Variants in KCMF1 observed in about 807,000 individuals in gnomAD.
The protein encoded by KCMF1 is potassium channel modulatory factor 1, also known as E3 ubiquitin-protein ligase KCMF1.
A neutral mutation model predicts 41.1 loss-of-function variants in KCMF1; 3 were observed. The ratio of observed to expected loss-of-function variants is 0.07; its 90% CI spans 0.03 to 0.19. The LOEUF is 0.19. Ranked by LOEUF, KCMF1 falls within the 10% of genes least tolerant of loss-of-function variation. The pLI is 1.00. For missense variants in KCMF1, 286 were observed against 488.9 expected, an observed-to-expected ratio of 0.58 and a Z score of 3.91; for synonymous variants, 142 against 164.5, an observed-to-expected ratio of 0.86 and a Z score of 1.04.
At chr2:84,972,854 A>G (rs1313277685) in intron 1 of KCMF1, among the ~76,000 whole-genome samples, 1 of 152,222 alleles carries the variant, frequency 6.6e-6, no homozygotes, top group African/African-American at 2.4e-5. Context: ...TTCTTCGCAA[A>G]GCATTTGTTG....
chr2:85,026,706 TTGAACTCCTGGCCTCAAGCCATCCC>T (rs1675116915), intron 1 of KCMF1, among the ~76,000 whole-genome samples: 1 of 152,082 alleles, frequency 6.6e-6, no homozygotes, highest in Admixed American at 6.6e-5. Context: ...CAGGCTGGTC[TTGAACTCCTGGCCTCAAGCCATCCC>T]CCTGCCTCGC....
chr2:85,003,653 G>T (rs572756451), intron 1 of KCMF1, among the ~76,000 whole-genome samples: 2 of 151,884 alleles, frequency 1.3e-5, no homozygotes, highest in Admixed American at 1.3e-4. Flanking sequence ...CGGGTCTCCC[G>T]ATGTTACCCA....
intron 1 of KCMF1, among the ~76,000 whole-genome samples, chr2:84,986,655 A>T (rs186941220): frequency 6.6e-6 from 1 of 151,714 alleles, no homozygotes; most frequent in East Asian, 1.9e-4. Flanking sequence ...AGGTGGGTGG[A>T]TCACGAGGTC....
At chr2:84,990,638 ATC>A (rs1674019798) in intron 1 of KCMF1, among the ~76,000 whole-genome samples, 1 of 150,260 alleles carries the variant, frequency 6.7e-6, no homozygotes, top group African/African-American at 2.5e-5. Context: ...GGGAGACCCT[ATC>A]TCTGTTTTAA....
intron 2 of KCMF1, among the ~76,000 whole-genome samples, chr2:85,029,677 ATTTTTTTTTTTT>A (rs1178504248): frequency 7.7e-6 from 1 of 130,664 alleles, no homozygotes; most frequent in Non-Finnish European, 1.6e-5. Context: ...TCATGCTATA[ATTTTTTTTTTTT>A]TTTTTTTTGA....
intron 3 of KCMF1, among the ~76,000 whole-genome samples, chr2:85,036,932 C>T (rs1467604187): frequency 6.6e-6 from 1 of 151,346 alleles, no homozygotes; most frequent in Non-Finnish European, 1.5e-5. Context: ...TTCATCACCC[C>T]TCAGGGGCAA....
intron 3 of KCMF1, among the ~76,000 whole-genome samples, 182 bp downstream of exon 3, chr2:85,035,337 A>G (rs190823759): frequency 3.3e-4 from 50 of 152,298 alleles, no homozygotes; most frequent in Non-Finnish European, 6.0e-4. Flanking sequence ...TTTTTGCAAA[A>G]TAATACCTCT....
chr2:85,044,334 G>A (rs1675612429), intron 4 of KCMF1, among the ~76,000 whole-genome samples: 1 of 151,822 alleles, frequency 6.6e-6, no homozygotes, highest in Non-Finnish European at 1.5e-5. Flanking sequence ...GATAGCATAA[G>A]GTCAGCTCTA....
intron 1 of KCMF1, among the ~76,000 whole-genome samples, chr2:85,004,080 C>G (rs1674404587): frequency 6.6e-6 from 1 of 152,140 alleles, no homozygotes; most frequent in Admixed American, 6.6e-5. Context: ...TGATTCACCT[C>G]CGAGTGGGAC....
At chr2:85,036,166 T>C in intron 3 of KCMF1, among the ~76,000 whole-genome samples, 1 of 152,222 alleles carries the variant, frequency 6.6e-6, no homozygotes, top group East Asian at 1.9e-4. Context: ...ATAACATGTA[T>C]AGTTCAAACA....
rs535285734 is a variant in KCMF1 at position 84,996,916 on chromosome 2, C to T, written c.16+25449C>T. ...ACTTACAGAAACCTAGACGGTATAG[C>T]CTACTACACATCTGGGCTATGTATG... On this transcript the variant is annotated intron_variant, in intron 1 of 6. Coordinates refer to ENST00000409785, the MANE Select transcript of KCMF1 (RefSeq NM_020122.5). Among the ~76,000 whole-genome samples the T allele has an allele frequency of 1.6e-4, 25 of 152,220 alleles. No individual in the cohort carries two copies. In the South Asian group the frequency reaches 2.9e-3, roughly 18 times the overall value.
At position 85,008,295 on chromosome 2, in the gene KCMF1, T is replaced by TA. The variant is rs1333221934; in HGVS notation, c.17-19593dup. ...AATATATAATATGATATATAATATA[T>TA]ATAATATATAATATGATATATATAT... On this transcript the variant is annotated intron_variant, in intron 1 of 6. Transcript: ENST00000409785. Among the ~76,000 whole-genome samples the TA allele has an allele frequency of 1.3e-3, 121 of 90,764 alleles. 2 individuals are homozygous for TA. The highest frequency in any genetic ancestry group is 2.0e-3 in the Non-Finnish European group (99 of 48,658). The allele number at this position is 90,764 out of a possible 152,430, so 59.5% of individuals were successfully genotyped here.
chr2:85,045,713 T>G (rs139041923), intron 4 of KCMF1, among the ~76,000 whole-genome samples: 139 of 152,356 alleles, frequency 9.1e-4, no homozygotes, highest in African/African-American at 3.1e-3. Flanking sequence ...AATGCAAATC[T>G]GTTTTCTGCT....
intron 1 of KCMF1, among the ~76,000 whole-genome samples, chr2:85,008,603 C>T (rs577475539): frequency 1.3e-5 from 2 of 151,374 alleles, no homozygotes; most frequent in Admixed American, 1.3e-4. Flanking sequence ...GAAAACGACA[C>T]TTGTTTACAA....
At chr2:85,049,763 T>C (rs1367890792) in intron 6 of KCMF1, 115 bp downstream of exon 6, 13 of 817,410 alleles carry the variant, frequency 1.6e-5, no homozygotes, top group Non-Finnish European at 2.3e-5. Flanking sequence ...TGTGTTTGAT[T>C]AAAACTCACA....
In KCMF1 at chr2:85,058,457, AATG is replaced by A. The variant is rs1301662560; in HGVS notation, c.*5052_*5054del. On this transcript the variant is annotated 3_prime_UTR_variant, in exon 7 of 7. Transcript: ENST00000409785. ...GGGGCTGCTTTCCACAGGCCTGGAT[AATG>A]ATGTTTCTCTTCAAGGAGGCCTTTA... 1 of 152,170 alleles carries A rather than the reference AATG, an allele frequency of 6.6e-6. No homozygotes were observed. The highest frequency in any genetic ancestry group is 2.4e-5 in the African/African-American group (1 of 41,426). 9.4% of individuals were successfully genotyped at this position (152,170 alleles called of 1,614,324 possible).
intron 1 of KCMF1, chr2:84,971,874 G>C (rs932154565): frequency 6.6e-6 from 1 of 151,944 alleles, no homozygotes; most frequent in Non-Finnish European, 1.5e-5. Context: ...AGCCCGGTGT[G>C]GTCGCAGAGC....
At chr2:84,981,035 C>T (rs1257576425) in intron 1 of KCMF1, among the ~76,000 whole-genome samples, 3 of 150,812 alleles carry the variant, frequency 2.0e-5, no homozygotes, top group Non-Finnish European at 2.9e-5. Context: ...ATAGATGGAT[C>T]CCTGTAACTT....
intron 1 of KCMF1, among the ~76,000 whole-genome samples, chr2:85,005,558 G>A (rs1262328873): frequency 1.3e-5 from 2 of 151,978 alleles, no homozygotes; most frequent in Non-Finnish European, 2.9e-5. Context: ...CCAAAGTGCT[G>A]GGATTACAGG....
Sources: gnomAD v4.1 joint callset for allele counts (sites outside exome capture counted in the v4.1 genomes callset) on GRCh38, gnomAD v4.1.1 for gene constraint, MANE v1.5 for transcripts, NCBI Gene and HGNC (gene_info 2026-07-23, HGNC 2026-07-21) for gene names.